CELF2: variants seen among roughly 807,000 people sequenced by gnomAD.
The protein encoded by CELF2 is CUGBP Elav-like family member 2.
A neutral mutation model predicts 62.6 loss-of-function variants in CELF2; 8 were observed. The observed-to-expected ratio is 0.13, with a 90% CI of 0.07 to 0.23. The LOEUF is 0.23. Among genes scored for constraint, CELF2 ranks in the 10% least tolerant of loss-of-function variants. CELF2 has a pLI of 1.00. For synonymous variants in CELF2, 258 were observed against 250.0 expected (o/e 1.03, Z -0.30); for missense variants, 333 against 671.0 (o/e 0.50, Z 5.56).
At chr10:11,143,385 C>G (rs927789572) in intron 1 of CELF2, among the ~76,000 whole-genome samples, 2 of 152,204 alleles carry the variant, frequency 1.3e-5, no homozygotes, top group Admixed American at 1.3e-4. Context: ...CACTTTGTTT[C>G]AGGCCCTAGG....
intron 2 of CELF2, among the ~76,000 whole-genome samples, chr10:10,985,998 A>G (rs2052706322): frequency 6.6e-6 from 1 of 152,216 alleles, no homozygotes; most frequent in Admixed American, 6.5e-5. Flanking sequence ...TAAAATAGTT[A>G]CATGTTGAGA....
the CELF2 span, among the ~76,000 whole-genome samples, chr10:10,652,458 A>G: frequency 3.0e-5 from 4 of 131,464 alleles, no homozygotes; most frequent in Admixed American, 8.0e-5. Flanking sequence ...AAAAATGTTA[A>G]GGGCAGCCAG....
At chr10:11,190,909 G>A (rs1032560610) in intron 2 of CELF2, among the ~76,000 whole-genome samples, 1 of 151,994 alleles carries the variant, frequency 6.6e-6, no homozygotes, top group Non-Finnish European at 1.5e-5. Flanking sequence ...GGAACAGGGA[G>A]TAAGAGTGTA....
intron 1 of CELF2, among the ~76,000 whole-genome samples, chr10:10,876,161 G>C (rs2061075980): frequency 6.6e-6 from 1 of 152,152 alleles, no homozygotes; most frequent in South Asian, 2.1e-4. Flanking sequence ...CCCAGGGTTT[G>C]TGCAAAGGAC....
Position 11,321,168 on chromosome 10 carries a change from ATTG to A in CELF2, c.1097-17_1097-15del. ...TGAATAAGTGCTGTTTCTCTTCTCT[ATTG>A]TTGGGTTTTTTGTAAAGTTGCTCAA... On this transcript the variant is annotated intron_variant, in intron 10 of 12. Transcript: ENST00000633077. The surrounding 1 kb of genome is among the most constrained non-coding windows in gnomAD (Gnocchi z 6.2). 1.2e-6 allele frequency: 2 copies of A among 1,612,554 alleles called. No individual in the cohort carries two copies. The highest frequency in any genetic ancestry group is 1.1e-5 in the South Asian group (1 of 91,044).
At chr10:10,602,507 G>A in the CELF2 span, among the ~76,000 whole-genome samples, 7 of 152,098 alleles carry the variant, frequency 4.6e-5, no homozygotes, top group African/African-American at 1.7e-4. Context: ...AATGACAGCA[G>A]ATTTTGTGAT....
intron 4 of CELF2, among the ~76,000 whole-genome samples, chr10:11,252,462 G>T (rs752127987): frequency 7.9e-5 from 12 of 152,254 alleles, no homozygotes; most frequent in Non-Finnish European, 1.6e-4. Flanking sequence ...GAGCCAGAAA[G>T]AGCTGCTAAT....
At chr10:11,068,614 G>A (rs529300834) in intron 1 of CELF2, among the ~76,000 whole-genome samples, 2 of 151,566 alleles carry the variant, frequency 1.3e-5, no homozygotes, top group East Asian at 3.9e-4. Context: ...AGGCTGGAGT[G>A]CAGTGGCCCG....
At chr10:10,728,452 C>CAAAAA in the CELF2 span, among the ~76,000 whole-genome samples, 3 of 81,438 alleles carry the variant, frequency 3.7e-5, no homozygotes, top group African/African-American at 9.5e-5. Flanking sequence ...GACTCTGTTT[C>CAAAAA]AAAAAAAAAA....
the CELF2 span, among the ~76,000 whole-genome samples, chr10:10,727,857 T>A: frequency 2.6e-5 from 4 of 152,270 alleles, no homozygotes; most frequent in Admixed American, 2.6e-4. Flanking sequence ...AGTTACTTTG[T>A]CAAATAGAAA....
At chr10:10,539,988 G>A in the CELF2 span, among the ~76,000 whole-genome samples, 9 of 152,248 alleles carry the variant, frequency 5.9e-5, no homozygotes, top group African/African-American at 1.9e-4. Flanking sequence ...TTTCCATCGA[G>A]GTAAAGGGAG....
chr10:10,821,204 T>C (rs1385858129), intron 1 of CELF2, among the ~76,000 whole-genome samples: 1 of 152,180 alleles, frequency 6.6e-6, no homozygotes, highest in African/African-American at 2.4e-5. Context: ...GCGTCCAAGG[T>C]ACCTCTAATA....
At chr10:10,831,014 G>T (rs976148702) in intron 1 of CELF2, among the ~76,000 whole-genome samples, 2 of 152,244 alleles carry the variant, frequency 1.3e-5, no homozygotes, top group South Asian at 2.1e-4. Flanking sequence ...CTTAAATGTT[G>T]GGTTTGTGTG....
At chr10:11,112,441 A>G (rs2055429831) in intron 1 of CELF2, among the ~76,000 whole-genome samples, 1 of 152,252 alleles carries the variant, frequency 6.6e-6, no homozygotes, top group South Asian at 2.1e-4. Context: ...GTATATGTAC[A>G]CACATACACA....
At chr10:10,667,688 C>G in the CELF2 span, among the ~76,000 whole-genome samples, 1 of 152,156 alleles carries the variant, frequency 6.6e-6, no homozygotes, top group Non-Finnish European at 1.5e-5. Context: ...AAAGGTGCCT[C>G]TCTGCGCACA....
intron 1 of CELF2, among the ~76,000 whole-genome samples, chr10:10,863,195 A>G (rs569886902): frequency 1.3e-5 from 2 of 152,320 alleles, no homozygotes; most frequent in African/African-American, 4.8e-5. Flanking sequence ...TGCCCAGGCT[A>G]AAAGAGATAA....
At chr10:11,054,290 A>C (rs2064653752) in intron 1 of CELF2, among the ~76,000 whole-genome samples, 1 of 152,200 alleles carries the variant, frequency 6.6e-6, no homozygotes, top group Admixed American at 6.5e-5. Flanking sequence ...TTGATCTTTC[A>C]TCTTGCCCTT....
At chr10:11,289,114 A>G (rs780944742) in intron 9 of CELF2, among the ~76,000 whole-genome samples, 5 of 152,124 alleles carry the variant, frequency 3.3e-5, no homozygotes, top group Non-Finnish European at 5.9e-5. Flanking sequence ...AGCAGATGCC[A>G]GTTGTCTTTT....
the CELF2 span, among the ~76,000 whole-genome samples, chr10:10,553,032 C>G: frequency 6.6e-6 from 1 of 152,046 alleles, no homozygotes; most frequent in Non-Finnish European, 1.5e-5. Flanking sequence ...TATGTCTGTT[C>G]TCATGCTGCT....
Sources: allele counts gnomAD v4.1 joint callset (sites outside exome capture counted in the v4.1 genomes callset), GRCh38; gene constraint gnomAD v4.1.1; non-coding constraint Gnocchi (gnomAD v3.1); transcripts MANE v1.5; gene names NCBI Gene and HGNC (gene_info 2026-07-23, HGNC 2026-07-21).